Variants in AKAP13 observed in about 807,000 individuals in gnomAD.
AKAP13 encodes the protein A-kinase anchoring protein 13.
A neutral mutation model predicts 264.5 loss-of-function variants in AKAP13; 80 were observed. The ratio of observed to expected loss-of-function variants is 0.30; its 90% confidence interval spans 0.25 to 0.36. The LOEUF (loss-of-function observed/expected upper bound fraction) is 0.36. Among genes scored for constraint, AKAP13 ranks in the 10% least tolerant of loss-of-function variants. AKAP13 has a pLI of 1.00. For missense variants in AKAP13, 3,712 were observed against 3,435.2 expected, an observed-to-expected ratio of 1.08 and a Z score of -2.01; for synonymous variants, 1,380 against 1,250.2, an observed-to-expected ratio of 1.10 and a Z score of -2.19.
At chr15:85,662,301 T>C (rs925770240) in intron 12 of AKAP13, 101 of 1,345,668 alleles carry the variant, frequency 7.5e-5, no homozygotes, top group Middle Eastern at 1.8e-4. Flanking sequence ...TCTCTAACTA[T>C]GCCCTTCGTT....
Position 85,708,723 on chromosome 15 carries a change from C to A in AKAP13, c.5532+637C>A, listed in dbSNP as rs1376728537. ...CCTGTGAGGTTTTCAATGTTCTAGT[C>A]GCCTGTAAGTGTCTCTTCATTCCTT... On this transcript the variant is annotated intron_variant, in intron 18 of 36. Transcript: ENST00000394518. The surrounding 1 kb of genome is among the most constrained non-coding windows in gnomAD (Gnocchi z 4.3). 6.6e-6 allele frequency among the ~76,000 whole-genome samples: 1 copy of A among 151,912 alleles called. No homozygotes were observed. Among genetic ancestry groups the A allele is most frequent in the Non-Finnish European group, 1.5e-5 (1 of 67,930 alleles).
At position 85,693,262 on chromosome 15, in the gene AKAP13, T is replaced by C; in HGVS notation, c.5290-15T>C. The C allele has an allele frequency of 6.3e-7, 1 of 1,587,576 alleles. No individual in the cohort carries two copies. The highest frequency in any genetic ancestry group is 8.5e-7 in the Non-Finnish European group (1 of 1,171,774). On this transcript the variant is annotated splice_polypyrimidine_tract_variant and intron_variant, in intron 16 of 36. Transcript: ENST00000394518. ...GTGTTCAATTAACTGTGGATTATTT[T>C]CTTTTCTTCGGCAGGAAAAGGAAAA...
At chr15:85,741,684 ACT>A (rs1164072024) in intron 35 of AKAP13, among the ~76,000 whole-genome samples, 189 bp downstream of exon 35, 2 of 137,288 alleles carry the variant, frequency 1.5e-5, no homozygotes, top group East Asian at 2.2e-4. Context: ...ACAGAGGGAG[ACT>A]CTGTCTCTCC....
At position 85,660,452 on chromosome 15, in the gene AKAP13, A is replaced by C. The variant is rs1214459762; in HGVS notation, c.4799+1862A>C. Among the ~76,000 whole-genome samples, 9 of 150,400 alleles carry C rather than the reference A, an allele frequency of 6.0e-5. No individual in the cohort carries two copies. The Admixed American group carries it at 6.0e-4, about 10-fold the overall frequency. ...GTGTTAAATCTCCTCACAGTCTTCC[A>C]CATCATTGTCATATCCTGGAAGTAA... On this transcript the variant is annotated intron_variant, in intron 12 of 36. Transcript: ENST00000394518.
chr15:85,709,420 C>T (rs921847873), intron 18 of AKAP13, among the ~76,000 whole-genome samples: 4 of 152,132 alleles, frequency 2.6e-5, no homozygotes, highest in Non-Finnish European at 4.4e-5. Flanking sequence ...GGAGGGATGG[C>T]TGGAGCTGAG....
chr15:85,641,449 TA>T, intron 9 of AKAP13, among the ~76,000 whole-genome samples: 1 of 168 alleles, frequency 6.0e-3, no homozygotes, highest in Admixed American at 0.083. Flanking sequence ...CCATCTCAAA[TA>T]AATAAATAAA....
At chr15:85,442,520 T>C (rs1209728781) in intron 1 of AKAP13, among the ~76,000 whole-genome samples, 1 of 111,484 alleles carries the variant, frequency 9.0e-6, no homozygotes, top group Non-Finnish European at 1.9e-5. Flanking sequence ...TAATATATAT[T>C]ATATTATATA....
In AKAP13 at chr15:85,544,505, A is replaced by G. The variant is rs144247938; in HGVS notation, c.662+550A>G. On this transcript the variant is annotated intron_variant, in intron 5 of 36. Transcript: ENST00000394518. ...ATGAACAGCAATAAAAAGCAACTGA[A>G]TTGTCCTGGAAATGTGCAGTAGGAA... is the stretch of plus-strand genomic sequence containing the variant. Among the ~76,000 whole-genome samples, 989 of 152,306 alleles carry G rather than the reference A, an allele frequency of 6.5e-3. 4 individuals carry two copies. Among genetic ancestry groups the G allele is most frequent in the Non-Finnish European group, 0.011 (777 of 68,012 alleles).
chr15:85,485,886 G>A lies in AKAP13; in HGVS notation c.33+133G>A, dbSNP rs1385339468. Reference sequence around the variant, plus strand: ...TATGTCCATGAATATATTGGTGTAAGACACTTCAGAAATTGAGTTTGATTT... The same window carrying A: ...TATGTCCATGAATATATTGGTGTAAAACACTTCAGAAATTGAGTTTGATTT... On this transcript the variant is annotated intron_variant, in intron 2 of 36. Transcript: ENST00000394518. 15 of 727,032 alleles carry A rather than the reference G, an allele frequency of 2.1e-5. No homozygotes were observed. The East Asian group carries it at 4.0e-4, about 19-fold the overall frequency. 45.0% of individuals were successfully genotyped at this position (727,032 alleles called of 1,614,324 possible).
rs777978472 is a variant in AKAP13 at position 85,744,652 on chromosome 15, C to G, written c.8417C>G (p.Ala2806Gly). 1.7e-5 allele frequency: 28 copies of G among 1,612,812 alleles called. No homozygotes were observed. In the East Asian group the frequency reaches 6.2e-4, roughly 36 times the overall value. ...GATGGTCCCGCGTCAGAAGTATCAG[C>G]AGAGGGTGAAGAGATCTTCTGCTGA... is the stretch of plus-strand genomic sequence containing the variant. ...PGDGPASEVS[A>G]EGEEIFC Residue 2806 changes from alanine to glycine, a missense_variant, in exon 37 of 37, where the codon GCA becomes GGA. Physicochemically the swap from Ala to Gly is moderately conservative, Grantham distance 60. Around this residue, in one of 3 missense-constraint regions of AKAP13, gnomAD observed 611 missense variants for 539.3 expected, o/e 1.13. Transcript: ENST00000394518.
rs1427804673 is a variant in AKAP13 at position 85,585,833 on chromosome 15, A to G, written c.4161+10A>G. The stretch of plus-strand genomic sequence containing the variant: ...CCCAATGACCCAGGCGGTAAGTGGC[A>G]TCAGTAAGTCTATAAGGGCACAAAA... On this transcript the variant is annotated intron_variant, in intron 8 of 36. Transcript: ENST00000394518. 1.2e-6 allele frequency: 2 copies of G among 1,613,784 alleles called. No homozygotes were observed. Among genetic ancestry groups the G allele is most frequent in the South Asian group, 1.1e-5 (1 of 91,090 alleles).
At chr15:85,623,505 G>A (rs1166911651) in intron 8 of AKAP13, among the ~76,000 whole-genome samples, 1 of 152,144 alleles carries the variant, frequency 6.6e-6, no homozygotes, top group African/African-American at 2.4e-5. Context: ...GGCTGCTTCT[G>A]CATTCTGCCC....
intron 5 of AKAP13, among the ~76,000 whole-genome samples, chr15:85,569,507 C>T (rs1364057019): frequency 7.1e-6 from 1 of 141,766 alleles, no homozygotes; most frequent in East Asian, 2.0e-4. Context: ...GGCTGCAGTG[C>T]AATGCATCGA....
intron 3 of AKAP13, among the ~76,000 whole-genome samples, chr15:85,522,107 G>T (rs1360398675): frequency 6.6e-6 from 1 of 152,120 alleles, no homozygotes; most frequent in Non-Finnish European, 1.5e-5. Flanking sequence ...CTGCTCTCTA[G>T]CAGGTACCAT....
At chr15:85,397,824 C>T (rs181037609) in intron 1 of AKAP13, among the ~76,000 whole-genome samples, 42 of 152,274 alleles carry the variant, frequency 2.8e-4, no homozygotes, top group Non-Finnish European at 4.4e-4. Context: ...GCCCTTAAAG[C>T]ACTCATGATT....
Position 85,581,266 on chromosome 15 carries a change from T to C in AKAP13, c.3198T>C (p.Asp1066=), listed in dbSNP as rs1206145135. The C allele has an allele frequency of 8.1e-6, 13 of 1,614,150 alleles. No individual in the cohort carries two copies. Among genetic ancestry groups the C allele is most frequent in the East Asian group, 2.2e-5 (1 of 44,870 alleles). ...ALNCSQPSPL[D]VGVKNTQSQG... Reference sequence around the variant, plus strand: ...ACTGCAGTCAGCCTTCTCCTCTGGATGTTGGAGTGAAGAACACTCAATCCC... The same window carrying C: ...ACTGCAGTCAGCCTTCTCCTCTGGACGTTGGAGTGAAGAACACTCAATCCC... Residue 1066 remains aspartate, a synonymous_variant, in exon 7 of 37, where the codon GAT becomes GAC. Transcript: ENST00000394518.
chr15:85,558,115 T>C (rs911884382), intron 5 of AKAP13, among the ~76,000 whole-genome samples: 4 of 152,206 alleles, frequency 2.6e-5, no homozygotes, highest in Non-Finnish European at 4.4e-5. Context: ...CAGTGATGAA[T>C]TGAAAAGTTA....
chr15:85,613,713 T>TATATA (rs1254657975), intron 8 of AKAP13, among the ~76,000 whole-genome samples: 8 of 110,784 alleles, frequency 7.2e-5, no homozygotes, highest in South Asian at 3.4e-4. Context: ...TATATATATA[T>TATATA]TAGGAGTGCT....
At chr15:85,677,367 G>GT (rs1475447767) in intron 14 of AKAP13, among the ~76,000 whole-genome samples, 1 of 152,222 alleles carries the variant, frequency 6.6e-6, no homozygotes, top group Non-Finnish European at 1.5e-5. Flanking sequence ...CCTCAAAGGT[G>GT]TAGGGGGTGT....
Sources: gnomAD v4.1 joint callset for allele counts (sites outside exome capture counted in the v4.1 genomes callset) on GRCh38, gnomAD v4.1.1 for gene constraint, gnomAD v4.1.1 regional missense constraint, Gnocchi (gnomAD v3.1) non-coding constraint, MANE v1.5 for transcripts, NCBI Gene and HGNC (gene_info 2026-07-23, HGNC 2026-07-21) for gene names.